The following ICE2 variants were observed in gnomAD, a reference collection of about 807,000 sequenced individuals.
ICE2 encodes interactor of little elongation complex ELL subunit 2.
A neutral mutation model predicts 105.4 loss-of-function variants in ICE2; 87 were observed. That is an observed-to-expected ratio of 0.83 (90% confidence interval 0.69 to 0.99). The LOEUF (loss-of-function observed/expected upper bound fraction) is 0.99, where lower values mean the gene tolerates loss of function less well. Among genes scored for constraint, ICE2 ranks in the 50% least tolerant of loss-of-function variants. The pLI, the probability that ICE2 is intolerant of heterozygous loss-of-function variation, is 0.00. For missense variants in ICE2, 1,323 were observed against 1,146.7 expected, an observed-to-expected ratio of 1.15 and a Z score of -2.22; for synonymous variants, 399 against 392.0, an observed-to-expected ratio of 1.02 and a Z score of -0.21.
Position 60,449,611 on chromosome 15 carries a change from A to T in ICE2, c.1356T>A (p.Asn452Lys), listed in dbSNP as rs1251700337. The stretch of plus-strand genomic sequence containing the variant: ...TCAGAATCTGAGATAAACTTCTAGA[A>T]TTAGCAGAAATGTCTGGTGCACTTG... Reference protein sequence around the residue: ...VAPSAPDISANSRSLSQILME... With the variant: ...VAPSAPDISAKSRSLSQILME... Residue 452 changes from asparagine (N) to lysine (K), a missense_variant, in exon 10 of 16, where the codon AAT becomes AAA. Asn to Lys is a moderately conservative substitution (Grantham distance 94). Transcript: ENST00000261520. 1 of 1,614,176 alleles carries T rather than the reference A, an allele frequency of 6.2e-7. No homozygotes were observed. Among genetic ancestry groups the T allele is most frequent in the Admixed American group, 1.7e-5 (1 of 60,026 alleles).
At chr15:60,475,874 A>C (rs959977956) in intron 3 of ICE2, among the ~76,000 whole-genome samples, 189 bp downstream of exon 3, 1 of 152,174 alleles carries the variant, frequency 6.6e-6, no homozygotes. Context: ...AAATACTATA[A>C]AATTGTTTTG....
At chr15:60,476,350 G>A (rs367675455) in intron 2 of ICE2, among the ~76,000 whole-genome samples, 183 bp from the exon 3 acceptor site, 100 of 152,062 alleles carry the variant, frequency 6.6e-4, no homozygotes, top group African/African-American at 2.2e-3. Context: ...GTTACTTCTT[G>A]GATAGCTTTA....
intron 3 of ICE2, among the ~76,000 whole-genome samples, chr15:60,470,079 C>A (rs1034336030): frequency 6.6e-6 from 1 of 152,178 alleles, no homozygotes; most frequent in Non-Finnish European, 1.5e-5. Flanking sequence ...TCTGCTGACT[C>A]ATTCTTCATT....
At chr15:60,458,288 C>T (rs971196971) in intron 5 of ICE2, among the ~76,000 whole-genome samples, 1 of 152,158 alleles carries the variant, frequency 6.6e-6, no homozygotes, top group Non-Finnish European at 1.5e-5. Flanking sequence ...CCCCATCACT[C>T]ACCCACTGAG....
intron 13 of ICE2, among the ~76,000 whole-genome samples, chr15:60,432,290 T>C (rs1340277738): frequency 6.7e-6 from 1 of 148,862 alleles, no homozygotes; most frequent in Non-Finnish European, 1.5e-5. Flanking sequence ...CGGATTCAAG[T>C]GATTCTCTTG....
At chr15:60,469,341 C>T (rs533590725) in intron 3 of ICE2, among the ~76,000 whole-genome samples, 2 of 152,168 alleles carry the variant, frequency 1.3e-5, no homozygotes, top group African/African-American at 4.8e-5. Context: ...CTAATGCATG[C>T]TGGGCTTAAT....
chr15:60,447,789 A>G lies in ICE2; in HGVS notation c.2295+181T>C, dbSNP rs1331131642. 5.0e-5 allele frequency: 26 copies of G among 520,972 alleles called. No individual in the cohort carries two copies. In the East Asian group the frequency reaches 8.3e-4, roughly 17 times the overall value. 32.3% of individuals were successfully genotyped at this position (520,972 alleles called of 1,614,324 possible). A position where few individuals can be genotyped will look rare whatever the true frequency, so the allele number is the denominator to read the frequency against. ...ACCGGCATTTATGGCTACTATATACAAACACTTTCCCTTATTAAAATCGAT... is the reference window on the plus strand; with the variant it reads ...ACCGGCATTTATGGCTACTATATACGAACACTTTCCCTTATTAAAATCGAT... On this transcript the variant is annotated intron_variant, in intron 11 of 15. Transcript: ENST00000261520.
intron 12 of ICE2, chr15:60,441,262 A>G (rs561264303): frequency 3.9e-5 from 6 of 152,318 alleles, no homozygotes; most frequent in Admixed American, 3.9e-4. Flanking sequence ...GCAGTACATC[A>G]CCAATTAGTG....
intron 5 of ICE2, among the ~76,000 whole-genome samples, chr15:60,465,318 A>G (rs768319212): frequency 1.3e-5 from 2 of 152,094 alleles, no homozygotes; most frequent in African/African-American, 2.4e-5. Flanking sequence ...AAGCCTCCCA[A>G]GTAGCTGTGA....
intron 15 of ICE2, among the ~76,000 whole-genome samples, 197 bp from the exon 16 acceptor site, chr15:60,423,959 TC>T (rs1275035534): frequency 1.7e-4 from 26 of 152,210 alleles, no homozygotes; most frequent in African/African-American, 6.3e-4. Flanking sequence ...CAAATAACCA[TC>T]AGAGAAGTTG....
chr15:60,445,689 T>C, intron 11 of ICE2: 9 of 985,274 alleles, frequency 9.1e-6, no homozygotes, highest in Non-Finnish European at 1.1e-5. Context: ...TACAATGTCC[T>C]TACCAAGCTG....
Position 60,455,126 on chromosome 15 carries a change from A to C in ICE2, c.820T>G (p.Ser274Ala), listed in dbSNP as rs375816800. 2.5e-5 allele frequency: 39 copies of C among 1,589,472 alleles called. No individual in the cohort carries two copies. The African/African-American group carries it at 4.9e-4, about 20-fold the overall frequency. ...AGAGCTATCTGAGGGTGATATCTGG[A>C]AACAAGCTTCTCTGCATTTGGATCT... Reference protein sequence around the residue: ...SKDPNAEKLVSRYHPQIALTS... With the variant: ...SKDPNAEKLVARYHPQIALTS... Residue 274 changes from serine to alanine, a missense_variant, in exon 8 of 16, where the codon TCC (serine) becomes GCC (alanine). Transcript: ENST00000261520.
chr15:60,471,652 T>C (rs1427050647), intron 3 of ICE2, among the ~76,000 whole-genome samples: 1 of 152,202 alleles, frequency 6.6e-6, no homozygotes, highest in Non-Finnish European at 1.5e-5. Flanking sequence ...TTCATCAGGG[T>C]GTAAACCAAA....
chr15:60,448,187 T>C (rs756595229), intron 10 of ICE2, 42 bp from the exon 11 acceptor site: 1 of 1,270,694 alleles, frequency 7.9e-7, no homozygotes, highest in Non-Finnish European at 1.1e-6. Context: ...ACATTAGCTC[T>C]TACCCATCAT....
At chr15:60,461,552 A>G (rs113185366) in intron 5 of ICE2, among the ~76,000 whole-genome samples, 1,620 of 152,296 alleles carry the variant, frequency 0.011, 31 homozygotes, top group African/African-American at 0.038. Context: ...ACACAGTGCA[A>G]TCTTTTAAAA....
chr15:60,478,284 G>A (rs2064825406), intron 1 of ICE2, among the ~76,000 whole-genome samples: 1 of 152,160 alleles, frequency 6.6e-6, no homozygotes, highest in Admixed American at 6.5e-5. Flanking sequence ...GTTACTCTCA[G>A]GACACTCACT....
intron 15 of ICE2, among the ~76,000 whole-genome samples, chr15:60,425,518 A>G (rs986994333): frequency 6.6e-6 from 1 of 152,222 alleles, no homozygotes; most frequent in Non-Finnish European, 1.5e-5. Context: ...GCAGAAGTCA[A>G]AAGTAGCCCA....
chr15:60,454,812 C>T, intron 8 of ICE2, 191 bp downstream of exon 8: 1 of 465,290 alleles, frequency 2.1e-6, no homozygotes, highest in Non-Finnish European at 3.7e-6. Context: ...AGGTTTTAAG[C>T]CCTGCACGAA....
In ICE2 at chr15:60,452,360, C is replaced by T. The variant is rs115708916; in HGVS notation, c.1125+1243G>A. ...TTGCTCCCTCATTTTACTCAAGTCTCTGTCCACATTTCCTATCCTCAGAAA... is the reference window on the plus strand; with the variant it reads ...TTGCTCCCTCATTTTACTCAAGTCTTTGTCCACATTTCCTATCCTCAGAAA... On this transcript the variant is annotated intron_variant, in intron 9 of 15. Transcript: ENST00000261520. 9.4e-4 allele frequency: 605 copies of T among 644,576 alleles called. 8 individuals carry two copies. In the African/African-American group the frequency reaches 0.012, roughly 12 times the overall value. The allele number at this position is 644,576 out of a possible 1,614,324, so 39.9% of individuals were successfully genotyped here. A position where few individuals can be genotyped will look rare whatever the true frequency, so the allele number is the denominator to read the frequency against.
Sources: allele counts gnomAD v4.1 joint callset (sites outside exome capture counted in the v4.1 genomes callset), GRCh38; gene constraint gnomAD v4.1.1; transcripts MANE v1.5; gene names NCBI Gene and HGNC (gene_info 2026-07-23, HGNC 2026-07-21).